The following CEMIP variants were observed in gnomAD, a reference collection of about 807,000 sequenced individuals.
CEMIP encodes cell migration inducing hyaluronidase 1.
Under a neutral mutation model 156.9 loss-of-function variants are expected in CEMIP, and 105 were observed. The observed-to-expected ratio is 0.67, with a 90% CI of 0.57 to 0.79. The LOEUF is 0.79. Ranked by LOEUF, CEMIP falls within the 30% of genes least tolerant of loss-of-function variation. The pLI is 0.00. For missense variants in CEMIP, 1,457 were observed against 1,769.4 expected (o/e 0.82, Z 3.17); for synonymous variants, 676 against 668.4 (o/e 1.01, Z -0.17).
intron 19 of CEMIP, among the ~76,000 whole-genome samples, chr15:80,926,034 T>C (rs1900653004): frequency 6.6e-6 from 1 of 152,218 alleles, no homozygotes; most frequent in Non-Finnish European, 1.5e-5. Flanking sequence ...CTCAAGGTCA[T>C]GCGGACCATC....
intron 28 of CEMIP, among the ~76,000 whole-genome samples, chr15:80,945,193 G>A (rs1440507109): frequency 6.6e-6 from 1 of 152,230 alleles, no homozygotes; most frequent in East Asian, 1.9e-4. Flanking sequence ...GGGAGACTGT[G>A]CTGGCTGGGG....
chr15:80,894,117 C>T (rs933311040), intron 10 of CEMIP, among the ~76,000 whole-genome samples: 3 of 152,160 alleles, frequency 2.0e-5, no homozygotes, highest in Non-Finnish European at 4.4e-5. Flanking sequence ...TGTGCCAGGC[C>T]CTGGGCTGAA....
At chr15:80,935,895 T>C (rs1034525777) in intron 23 of CEMIP, among the ~76,000 whole-genome samples, 1 of 152,160 alleles carries the variant, frequency 6.6e-6, no homozygotes, top group Non-Finnish European at 1.5e-5. Flanking sequence ...TGTGCCACCA[T>C]GCCCAGCTAA....
At chr15:80,849,631 T>C (rs1396575698) in intron 1 of CEMIP, among the ~76,000 whole-genome samples, 1 of 152,086 alleles carries the variant, frequency 6.6e-6, no homozygotes, top group African/African-American at 2.4e-5. Flanking sequence ...AGGCTACTCT[T>C]AATCTAAATG....
chr15:80,866,865 G>A (rs28581780), intron 1 of CEMIP, among the ~76,000 whole-genome samples: 3,708 of 151,416 alleles, frequency 0.024, 148 homozygotes, highest in African/African-American at 0.085. Context: ...GATTTGAAGC[G>A]TTGCCTCAAT....
intron 1 of CEMIP, among the ~76,000 whole-genome samples, chr15:80,833,627 A>T (rs980789612): frequency 1.3e-5 from 2 of 150,376 alleles, no homozygotes; most frequent in African/African-American, 4.9e-5. Flanking sequence ...TACCCTCCTC[A>T]TCATCATCAT....
rs1784937260 is a variant in CEMIP, at chr15:80,951,547, G to A, written c.*2623G>A. The A allele has an allele frequency of 1.3e-5, 2 of 152,606 alleles. No homozygotes were observed. The highest frequency in any genetic ancestry group is 1.3e-4 in the Admixed American group (2 of 15,286). 9.5% of individuals were successfully genotyped at this position (152,606 alleles called of 1,614,324 possible). ...AGTTAGATGTATAGAGTGTTTGTAT[G>A]TAAACATTTCTTGTAGGCATCACCA... On this transcript the variant is annotated 3_prime_UTR_variant, in exon 30 of 30. Transcript: ENST00000394685.
At chr15:80,852,989 C>T (rs542517378) in intron 1 of CEMIP, among the ~76,000 whole-genome samples, 2 of 152,312 alleles carry the variant, frequency 1.3e-5, no homozygotes, top group Admixed American at 6.5e-5. Context: ...CACTCCTGTC[C>T]AGCCCTGGGA....
At chr15:80,796,501 C>A (rs1896229035) in intron 1 of CEMIP, among the ~76,000 whole-genome samples, 1 of 152,182 alleles carries the variant, frequency 6.6e-6, no homozygotes, top group South Asian at 2.1e-4. Flanking sequence ...TCAGGGTATT[C>A]TGGATGAAAT....
intron 1 of CEMIP, among the ~76,000 whole-genome samples, chr15:80,796,225 C>T (rs750315194): frequency 2.5e-4 from 38 of 152,140 alleles, no homozygotes; most frequent in South Asian, 4.1e-4. Context: ...CCTCCTGTGT[C>T]GGCCTCCCGA....
chr15:80,815,654 G>T (rs1388078555), intron 1 of CEMIP, among the ~76,000 whole-genome samples: 1 of 150,876 alleles, frequency 6.6e-6, no homozygotes, highest in Non-Finnish European at 1.5e-5. Flanking sequence ...TAAGGAGTTA[G>T]AATAAATATC....
intron 1 of CEMIP, among the ~76,000 whole-genome samples, chr15:80,793,994 T>C (rs970790658): frequency 6.6e-6 from 1 of 152,236 alleles, no homozygotes; most frequent in Non-Finnish European, 1.5e-5. Context: ...TTGTTTTTGT[T>C]ATTTATGATT....
rs562352386 is a variant in CEMIP, at chr15:80,879,416, A to T, written c.242-300A>T. Among the ~76,000 whole-genome samples, 6 of 152,336 alleles carry T rather than the reference A, an allele frequency of 3.9e-5. No individual in the cohort carries two copies. In the East Asian group the frequency reaches 5.8e-4, roughly 15 times the overall value. ...AGGTATTATAAGCAATCTAGAGATG[A>T]TTTCAAGTATATGGGAGGATGTGCA... On this transcript the variant is annotated intron_variant, in intron 4 of 29. Transcript: ENST00000394685.
At chr15:80,807,228 G>A (rs939975361) in intron 1 of CEMIP, among the ~76,000 whole-genome samples, 1 of 134,986 alleles carries the variant, frequency 7.4e-6, no homozygotes, top group African/African-American at 2.8e-5. Context: ...TATCTAGAGA[G>A]GATTTTTTTT....
rs772853744 is a variant in CEMIP, at chr15:80,929,157, G to C, written c.2595G>C (p.Arg865Ser). 1 of 1,614,204 alleles carries C rather than the reference G, an allele frequency of 6.2e-7. No homozygotes were observed. The highest frequency in any genetic ancestry group is 1.1e-5 in the South Asian group (1 of 91,086). Residue 865 changes from arginine (R) to serine (S), a missense_variant, in exon 21 of 30, where the codon AGG (arginine) becomes AGC (serine). Arg to Ser is a moderately radical substitution (Grantham distance 110). Around this residue, in one of 5 missense-constraint regions of CEMIP, gnomAD observed 798 missense variants for 980.1 expected, o/e 0.81. Transcript: ENST00000394685. ...WGPGGLDHSG[R>S]TLPIGQNFPI... ...CTGGCGGCTTGGACCATAGCGGAAG[G>C]ACCCTCCCTATAGGCCAGTAGGTTT...
At chr15:80,926,907 T>C (rs998881106) in intron 19 of CEMIP, among the ~76,000 whole-genome samples, 8 of 147,756 alleles carry the variant, frequency 5.4e-5, no homozygotes, top group East Asian at 2.1e-4. Flanking sequence ...CTCAGCACAC[T>C]GCAACCTCTG....
chr15:80,781,012 G>A (rs1165634260), intron 1 of CEMIP, among the ~76,000 whole-genome samples: 1 of 152,172 alleles, frequency 6.6e-6, no homozygotes, highest in Non-Finnish European at 1.5e-5. Flanking sequence ...GGACCTCCCG[G>A]GGGCACTCTG....
At chr15:80,804,595 A>G (rs1364337677) in intron 1 of CEMIP, among the ~76,000 whole-genome samples, 4 of 152,178 alleles carry the variant, frequency 2.6e-5, no homozygotes, top group African/African-American at 9.7e-5. Flanking sequence ...CAGGTGCCTC[A>G]CCTACTGCTC....
chr15:80,835,905 A>G (rs1897260480), intron 1 of CEMIP, among the ~76,000 whole-genome samples: 1 of 151,930 alleles, frequency 6.6e-6, no homozygotes, highest in Non-Finnish European at 1.5e-5. Context: ...ACATAATAAA[A>G]TTTTGGTGAA....
Sources: gnomAD v4.1 joint callset for allele counts (sites outside exome capture counted in the v4.1 genomes callset) on GRCh38, gnomAD v4.1.1 for gene constraint, gnomAD v4.1.1 regional missense constraint, MANE v1.5 for transcripts, NCBI Gene and HGNC (gene_info 2026-07-23, HGNC 2026-07-21) for gene names.